The following DLGAP2 variants were observed in gnomAD, a reference collection of about 807,000 sequenced individuals.
DLGAP2 encodes disks large-associated protein 2.
Under a neutral mutation model 100.3 loss-of-function variants are expected in DLGAP2, and 26 were observed. The observed-to-expected ratio is 0.26, with a 90% CI of 0.19 to 0.36. The LOEUF (loss-of-function observed/expected upper bound fraction) is 0.36. DLGAP2 is among the 10% of genes least tolerant of loss of function. The pLI is 1.00. For missense variants in DLGAP2, 1,858 were observed against 1,453.2 expected, an observed-to-expected ratio of 1.28 and a Z score of -4.53; for synonymous variants, 886 against 630.1, an observed-to-expected ratio of 1.41 and a Z score of -6.08.
intron 2 of DLGAP2, among the ~76,000 whole-genome samples, chr8:1,080,394 C>G (rs868718789): frequency 8.5e-5 from 13 of 152,206 alleles, no homozygotes; most frequent in Non-Finnish European, 1.9e-4. Context: ...GTGTGCGTTA[C>G]GAAGGGATGC....
chr8:1,355,686 A>G (rs1428845326), intron 3 of DLGAP2, among the ~76,000 whole-genome samples: 1 of 152,094 alleles, frequency 6.6e-6, no homozygotes, highest in Non-Finnish European at 1.5e-5. Context: ...TTTTAATGAA[A>G]AAATAAAACA....
chr8:1,686,551 C>T (rs1799120273), intron 12 of DLGAP2, among the ~76,000 whole-genome samples: 1 of 151,978 alleles, frequency 6.6e-6, no homozygotes, highest in South Asian at 2.1e-4. Context: ...GCCTGTAATC[C>T]CAATCCCAGC....
chr8:946,476 G>A (rs888471401), intron 2 of DLGAP2, among the ~76,000 whole-genome samples: 6 of 151,860 alleles, frequency 4.0e-5, no homozygotes, highest in African/African-American at 1.5e-4. Context: ...TATTAGCCAG[G>A]ATGGTCTCGA....
chr8:1,269,086 T>C (rs917441249), intron 3 of DLGAP2, among the ~76,000 whole-genome samples: 1 of 152,180 alleles, frequency 6.6e-6, no homozygotes, highest in Non-Finnish European at 1.5e-5. Flanking sequence ...CAAGTCTAAA[T>C]ATTCTGGGCT....
chr8:1,458,220 TTAA>T (rs1563161535), intron 3 of DLGAP2, among the ~76,000 whole-genome samples: 1 of 151,886 alleles, frequency 6.6e-6, no homozygotes, highest in Non-Finnish European at 1.5e-5. Context: ...TTGTCTGATC[TTAA>T]TAAGATCTTC....
At chr8:1,234,760 A>T (rs1158740547) in intron 2 of DLGAP2, among the ~76,000 whole-genome samples, 3 of 152,190 alleles carry the variant, frequency 2.0e-5, no homozygotes, top group African/African-American at 7.2e-5. Flanking sequence ...GGTGGTTAGG[A>T]TCAAGCTGCC....
chr8:1,037,390 G>A (rs940813898), intron 2 of DLGAP2, among the ~76,000 whole-genome samples: 1 of 152,046 alleles, frequency 6.6e-6, no homozygotes, highest in Non-Finnish European at 1.5e-5. Flanking sequence ...GGCTTCCCTC[G>A]GTGTTATCAT....
chr8:1,258,287 A>G (rs1799270732), intron 2 of DLGAP2, among the ~76,000 whole-genome samples: 1 of 152,210 alleles, frequency 6.6e-6, no homozygotes, highest in Non-Finnish European at 1.5e-5. Flanking sequence ...ATTTCTGTTC[A>G]CCTATATACA....
intron 3 of DLGAP2, chr8:1,377,950 G>C (rs1795997200): frequency 6.7e-6 from 1 of 150,034 alleles, no homozygotes; most frequent in Non-Finnish European, 1.5e-5. Flanking sequence ...ACGCACCCCT[G>C]TGCAGACGCA....
At chr8:1,208,807 A>G (rs533289223) in intron 2 of DLGAP2, among the ~76,000 whole-genome samples, 10 of 152,214 alleles carry the variant, frequency 6.6e-5, no homozygotes, top group South Asian at 6.2e-4. Context: ...CTATAGAACA[A>G]TAGTGACGGA....
rs55667731 is a variant in DLGAP2 at position 767,033 on chromosome 8, G to C, written c.18+29208G>C. ...TGGGAAAGCCAGGCTCTGAGATTCTGGATGACGAAGATCCTCAAGCACTGT... is the reference window on the plus strand; with the variant it reads ...TGGGAAAGCCAGGCTCTGAGATTCTCGATGACGAAGATCCTCAAGCACTGT... On this transcript the variant is annotated intron_variant, in intron 1 of 14. Coordinates refer to ENST00000637795, the MANE Select transcript of DLGAP2 (RefSeq NM_001346810.2). Among the ~76,000 whole-genome samples, 561 of 152,264 alleles carry C rather than the reference G, an allele frequency of 3.7e-3. 5 individuals are homozygous for C. The highest frequency in any genetic ancestry group is 0.013 in the African/African-American group (536 of 41,556).
At chr8:1,373,806 C>T (rs1432987755) in intron 3 of DLGAP2, 3 of 152,308 alleles carry the variant, frequency 2.0e-5, no homozygotes, top group Non-Finnish European at 4.4e-5. Flanking sequence ...AGGTTCAATG[C>T]ACGGAATCTA....
chr8:1,067,313 C>T (rs1259136594), intron 2 of DLGAP2, among the ~76,000 whole-genome samples: 3 of 152,200 alleles, frequency 2.0e-5, no homozygotes, highest in Non-Finnish European at 4.4e-5. Flanking sequence ...ACCCTCCTAG[C>T]GCTTTTGCTT....
At chr8:1,177,152 C>A (rs1797278057) in intron 2 of DLGAP2, among the ~76,000 whole-genome samples, 2 of 152,322 alleles carry the variant, frequency 1.3e-5, no homozygotes, top group Non-Finnish European at 1.5e-5. Flanking sequence ...CGCACGCACG[C>A]CCAGCACCCC....
chr8:1,185,146 C>G (rs1217268667), intron 2 of DLGAP2, among the ~76,000 whole-genome samples: 1 of 152,164 alleles, frequency 6.6e-6, no homozygotes, highest in Non-Finnish European at 1.5e-5. Context: ...GACGGCATAA[C>G]TGTTGAACAC....
intron 4 of DLGAP2, among the ~76,000 whole-genome samples, chr8:1,512,532 G>T (rs1251533442): frequency 6.6e-6 from 1 of 152,118 alleles, no homozygotes; most frequent in Non-Finnish European, 1.5e-5. Context: ...CGGGTTGCAC[G>T]TGTGACTGAC....
intron 3 of DLGAP2, among the ~76,000 whole-genome samples, chr8:1,473,029 C>G (rs927104789): frequency 1.3e-5 from 2 of 152,176 alleles, no homozygotes; most frequent in African/African-American, 4.8e-5. Context: ...CTCCCAGGTT[C>G]AAGCGATTCT....
chr8:1,691,765 CT>C, intron 13 of DLGAP2, 139 bp downstream of exon 13: 1 of 761,448 alleles, frequency 1.3e-6, no homozygotes, highest in South Asian at 1.9e-5. Context: ...ACAGAAGAGG[CT>C]TCCCGCCCTG....
intron 2 of DLGAP2, among the ~76,000 whole-genome samples, chr8:984,265 G>T (rs1387557298): frequency 3.9e-5 from 6 of 152,178 alleles, no homozygotes; most frequent in Non-Finnish European, 8.8e-5. Flanking sequence ...TCTATGCGAG[G>T]TGAGCTGTCT....
Sources: gnomAD v4.1 joint callset for allele counts (sites outside exome capture counted in the v4.1 genomes callset) on GRCh38, gnomAD v4.1.1 for gene constraint, MANE v1.5 for transcripts, NCBI Gene and HGNC (gene_info 2026-07-23, HGNC 2026-07-21) for gene names.